RABL3: variants seen among roughly 807,000 people sequenced by gnomAD.
RABL3 encodes RAB, member of RAS oncogene family like 3.
A neutral mutation model predicts 31.8 loss-of-function variants in RABL3; 31 were observed. The ratio of observed to expected loss-of-function variants is 0.97; its 90% confidence interval spans 0.73 to 1.31. RABL3 has a LOEUF of 1.31. Ranked by LOEUF, RABL3 falls within the 40% of genes most tolerant of loss-of-function variation. RABL3 has a pLI of 0.00. For missense variants in RABL3, 263 were observed against 279.6 expected, an observed-to-expected ratio of 0.94 and a Z score of 0.42; for synonymous variants, 97 against 99.9, an observed-to-expected ratio of 0.97 and a Z score of 0.18.
Position 120,688,436 on chromosome 3 carries a change from C to T in RABL3, c.*1387G>A, listed in dbSNP as rs370342040. 2 of 152,622 alleles carry T rather than the reference C, an allele frequency of 1.3e-5. No homozygotes were observed. The highest frequency in any genetic ancestry group is 1.9e-4 in the East Asian group (1 of 5,180). The allele number at this position is 152,622 out of a possible 1,614,324, so 9.5% of individuals were successfully genotyped here. A position where few individuals can be genotyped will look rare whatever the true frequency, so the allele number is the denominator to read the frequency against. ...CTTTAAAAATCCTTTTCCAAATTCC[C>T]AAGACTGCCTTTCTAAAAGGACTCT... On this transcript the variant is annotated 3_prime_UTR_variant, in exon 8 of 8. Coordinates refer to ENST00000273375, the MANE Select transcript of RABL3 (RefSeq NM_173825.5).
chr3:120,701,474 C>A (rs955535587), intron 4 of RABL3, among the ~76,000 whole-genome samples: 12 of 152,072 alleles, frequency 7.9e-5, no homozygotes, highest in Non-Finnish European at 7.4e-5. Flanking sequence ...AATTCCCTGA[C>A]AAAAATGCAG....
chr3:120,696,991 C>T (rs1708444485), intron 5 of RABL3, among the ~76,000 whole-genome samples: 1 of 152,150 alleles, frequency 6.6e-6, no homozygotes. Context: ...AACATTGATT[C>T]ATAGAATAAA....
intron 5 of RABL3, among the ~76,000 whole-genome samples, chr3:120,696,321 G>T (rs954090868): frequency 6.6e-6 from 1 of 151,952 alleles, no homozygotes; most frequent in African/African-American, 2.4e-5. Context: ...TTTATTTGAG[G>T]CTTTATATTT....
intron 4 of RABL3, among the ~76,000 whole-genome samples, chr3:120,704,888 T>C (rs1030413347): frequency 6.6e-6 from 1 of 151,908 alleles, no homozygotes; most frequent in African/African-American, 2.4e-5. Flanking sequence ...CTGCCAAAAA[T>C]ACAAAAATCA....
intron 2 of RABL3, among the ~76,000 whole-genome samples, chr3:120,718,248 T>C (rs1708693688): frequency 6.6e-6 from 1 of 152,194 alleles, no homozygotes; most frequent in African/African-American, 2.4e-5. Context: ...AGATAGATGC[T>C]GTTCACTTTT....
intron 1 of RABL3, among the ~76,000 whole-genome samples, chr3:120,732,927 G>A (rs1196568223): frequency 6.6e-6 from 1 of 152,138 alleles, no homozygotes; most frequent in Non-Finnish European, 1.5e-5. Flanking sequence ...ATTCCATGGT[G>A]TATATGTGTC....
intron 1 of RABL3, among the ~76,000 whole-genome samples, chr3:120,737,171 A>G (rs1447366176): frequency 3.9e-5 from 6 of 152,174 alleles, no homozygotes; most frequent in Non-Finnish European, 8.8e-5. Context: ...CCAATCAGAC[A>G]TAGATTTGGT....
At chr3:120,719,352 G>A (rs1708708209) in intron 2 of RABL3, among the ~76,000 whole-genome samples, 1 of 152,200 alleles carries the variant, frequency 6.6e-6, no homozygotes, top group Admixed American at 6.5e-5. Flanking sequence ...GACAGTGGGT[G>A]CAGGACAGTG....
chr3:120,719,743 T>A (rs191726422), intron 2 of RABL3, among the ~76,000 whole-genome samples: 1 of 152,340 alleles, frequency 6.6e-6, no homozygotes, highest in Non-Finnish European at 1.5e-5. Flanking sequence ...CAAGGAGGCC[T>A]GCCTGCCTCT....
intron 1 of RABL3, among the ~76,000 whole-genome samples, chr3:120,739,965 G>C (rs1238508763): frequency 6.6e-6 from 1 of 152,232 alleles, no homozygotes; most frequent in African/African-American, 2.4e-5. Flanking sequence ...CAGTTGAAGT[G>C]CTAGGGAATA....
intron 2 of RABL3, among the ~76,000 whole-genome samples, chr3:120,725,991 ATT>A (rs1014647652): frequency 6.6e-6 from 1 of 152,034 alleles, no homozygotes; most frequent in South Asian, 2.1e-4. Flanking sequence ...ATTTTTTAAC[ATT>A]TTTTTATGGA....
intron 2 of RABL3, among the ~76,000 whole-genome samples, chr3:120,719,054 G>GA (rs370039536): frequency 1.9e-4 from 29 of 152,156 alleles, no homozygotes; most frequent in East Asian, 5.8e-4. Context: ...AGCAATTGAT[G>GA]AAAAAAACAG....
intron 2 of RABL3, among the ~76,000 whole-genome samples, chr3:120,721,120 C>T (rs1453371410): frequency 6.6e-6 from 1 of 152,156 alleles, no homozygotes; most frequent in Non-Finnish European, 1.5e-5. Flanking sequence ...AAATACTTTA[C>T]AGATAAGCAA....
At chr3:120,717,740 A>AT (rs1308744747) in intron 2 of RABL3, among the ~76,000 whole-genome samples, 1 of 152,164 alleles carries the variant, frequency 6.6e-6, no homozygotes, top group Non-Finnish European at 1.5e-5. Context: ...ACGTGCTGGG[A>AT]TTACAGGCGT....
intron 1 of RABL3, among the ~76,000 whole-genome samples, chr3:120,731,905 A>G (rs1361492304): frequency 6.6e-6 from 1 of 152,124 alleles, no homozygotes; most frequent in East Asian, 1.9e-4. Context: ...TAAATTTTAA[A>G]GAAATTAGCC....
intron 2 of RABL3, among the ~76,000 whole-genome samples, chr3:120,717,572 C>T (rs990449723): frequency 5.9e-5 from 9 of 152,116 alleles, no homozygotes; most frequent in African/African-American, 1.9e-4. Context: ...GGGTTCAAGC[C>T]ATTTTCCTAC....
intron 2 of RABL3, among the ~76,000 whole-genome samples, chr3:120,722,832 ACAAGAGAAAG>A (rs1343528170): frequency 1.3e-5 from 2 of 152,168 alleles, no homozygotes; most frequent in African/African-American, 4.8e-5. Flanking sequence ...CTAAATGCCC[ACAAGAGAAAG>A]CAGGAAAGAT....
rs906408119 is a variant in RABL3 at position 120,686,152 on chromosome 3, G to A, written c.*3671C>T. Among the ~76,000 whole-genome samples the A allele has an allele frequency of 6.6e-6, 1 of 152,338 alleles. No individual in the cohort carries two copies. The highest frequency in any genetic ancestry group is 1.5e-5 in the Non-Finnish European group (1 of 68,030). On this transcript the variant is annotated 3_prime_UTR_variant, in exon 8 of 8. Transcript: ENST00000273375. The stretch of plus-strand genomic sequence containing the variant: ...CTTCCTCTCCCACCACAGTGATTTA[G>A]CTCAGTCTTGGGACTGCGGAGAAAT...
At chr3:120,742,429 T>C in intron 1 of RABL3, 33 bp downstream of exon 1, 1 of 1,609,708 alleles carries the variant, frequency 6.2e-7, no homozygotes, top group Non-Finnish European at 8.5e-7. Context: ...CTCAAAAGTG[T>C]CTGGAGCCCC....
Sources: gnomAD v4.1 joint callset for allele counts (sites outside exome capture counted in the v4.1 genomes callset) on GRCh38, gnomAD v4.1.1 for gene constraint, MANE v1.5 for transcripts, NCBI Gene and HGNC (gene_info 2026-07-23, HGNC 2026-07-21) for gene names.